Variants in RBFOX1 observed in about 807,000 individuals in gnomAD.
The protein encoded by RBFOX1 is RNA binding fox-1 homolog 1.
In RBFOX1, 8 loss-of-function variants were observed where a neutral mutation model predicts 57.7. The ratio of observed to expected loss-of-function variants is 0.14; its 90% confidence interval spans 0.08 to 0.25. RBFOX1 has a LOEUF of 0.25. Ranked by LOEUF, RBFOX1 falls within the 10% of genes least tolerant of loss-of-function variation. The probability of loss-of-function intolerance (pLI) is 1.00; values close to 1 mark genes in which losing one functional copy is unlikely to be tolerated. For missense variants in RBFOX1, 611 were observed against 548.5 expected, an observed-to-expected ratio of 1.11 and a Z score of -1.14; for synonymous variants, 326 against 222.4, an observed-to-expected ratio of 1.47 and a Z score of -4.15.
chr16:5,677,005 T>G (rs766362203), intron 3 of RBFOX1, among the ~76,000 whole-genome samples: 1 of 152,232 alleles, frequency 6.6e-6, no homozygotes, highest in Admixed American at 6.5e-5. Context: ...GTGAAGTAAA[T>G]ATCTCAGTTT....
chr16:5,648,523 G>A (rs1001872317), intron 3 of RBFOX1, among the ~76,000 whole-genome samples: 3 of 152,134 alleles, frequency 2.0e-5, no homozygotes, highest in East Asian at 3.9e-4. Context: ...TACAACTTGC[G>A]GGGAGGTGGT....
intron 3 of RBFOX1, among the ~76,000 whole-genome samples, chr16:6,966,221 T>G (rs565243897): frequency 6.6e-6 from 1 of 152,212 alleles, no homozygotes; most frequent in South Asian, 2.1e-4. Flanking sequence ...CTGTCCCAGC[T>G]TCTCACATAG....
intron 3 of RBFOX1, among the ~76,000 whole-genome samples, chr16:6,716,495 C>T (rs1452164984): frequency 6.6e-6 from 1 of 152,166 alleles, no homozygotes; most frequent in East Asian, 1.9e-4. Flanking sequence ...ATTACCTGCC[C>T]ATTTCAGCAA....
At chr16:7,137,335 A>G (rs2072312075) in intron 4 of RBFOX1, among the ~76,000 whole-genome samples, 2 of 152,002 alleles carry the variant, frequency 1.3e-5, no homozygotes, top group African/African-American at 4.8e-5. Context: ...TGTAATTCCC[A>G]CATGTTGTGG....
At chr16:7,603,211 TG>T (rs1341308593) in intron 9 of RBFOX1, among the ~76,000 whole-genome samples, 1 of 152,166 alleles carries the variant, frequency 6.6e-6, no homozygotes, top group Non-Finnish European at 1.5e-5. Flanking sequence ...AGCAGGTCCT[TG>T]AAGATTGGAA....
intron 4 of RBFOX1, among the ~76,000 whole-genome samples, chr16:5,935,741 C>T (rs1233552863): frequency 3.3e-5 from 5 of 152,162 alleles, no homozygotes; most frequent in Non-Finnish European, 7.3e-5. Context: ...GATCAAAGAC[C>T]AAGAGCCTGG....
At chr16:6,919,594 G>T (rs1008075723) in intron 3 of RBFOX1, among the ~76,000 whole-genome samples, 1 of 151,910 alleles carries the variant, frequency 6.6e-6, no homozygotes, top group African/African-American at 2.4e-5. Context: ...TGTTTTAAAG[G>T]AAACCCTGGT....
At chr16:6,992,661 A>G (rs895080279) in intron 3 of RBFOX1, among the ~76,000 whole-genome samples, 1 of 152,134 alleles carries the variant, frequency 6.6e-6, no homozygotes, top group Non-Finnish European at 1.5e-5. Context: ...ACACAACTTC[A>G]ACCATATTCT....
At chr16:6,315,167 C>T (rs1352618082) in intron 1 of RBFOX1, among the ~76,000 whole-genome samples, 1 of 152,230 alleles carries the variant, frequency 6.6e-6, no homozygotes, top group Non-Finnish European at 1.5e-5. Flanking sequence ...TGTTTATTCC[C>T]ATTTTAATGA....
At chr16:5,243,720 G>T (rs746087451) in intron 1 of RBFOX1, among the ~76,000 whole-genome samples, 2 of 151,976 alleles carry the variant, frequency 1.3e-5, no homozygotes, top group Non-Finnish European at 2.9e-5. Flanking sequence ...GTTGAGCTTG[G>T]GTCCCTGCTG....
At chr16:5,447,658 A>G (rs1190796712) in intron 1 of RBFOX1, among the ~76,000 whole-genome samples, 1 of 152,134 alleles carries the variant, frequency 6.6e-6, no homozygotes, top group African/African-American at 2.4e-5. Flanking sequence ...AGCCTCCCAG[A>G]GTGCTGGGAT....
At chr16:7,491,412 A>G (rs1320985980) in intron 4 of RBFOX1, among the ~76,000 whole-genome samples, 2 of 151,234 alleles carry the variant, frequency 1.3e-5, no homozygotes, top group Admixed American at 6.7e-5. Context: ...CTGTGACTCC[A>G]TTGTGAGCAG....
At chr16:6,295,507 C>G (rs1442432662) in intron 1 of RBFOX1, among the ~76,000 whole-genome samples, 1 of 152,186 alleles carries the variant, frequency 6.6e-6, no homozygotes, top group Non-Finnish European at 1.5e-5. Flanking sequence ...GTTTTACTCT[C>G]TGAGTACATA....
chr16:6,549,771 A>G (rs1169061562), intron 2 of RBFOX1, among the ~76,000 whole-genome samples: 2 of 152,020 alleles, frequency 1.3e-5, no homozygotes, highest in Non-Finnish European at 2.9e-5. Context: ...GACTAAATGA[A>G]ATAGGCAGAT....
intron 4 of RBFOX1, among the ~76,000 whole-genome samples, chr16:7,316,651 G>T (rs1210190738): frequency 6.6e-6 from 1 of 152,120 alleles, no homozygotes; most frequent in Non-Finnish European, 1.5e-5. Flanking sequence ...TGTGATAAAT[G>T]CTCTGAAGGA....
Position 5,484,588 on chromosome 16 carries a change from G to A in RBFOX1, c.258+17334G>A, listed in dbSNP as rs138340620. ...AGGCCAGGGCTTCAAGGCCAGCCTAGGCAACATAGCGAGACCTTGTCTGTA... is the reference window on the plus strand; with the variant it reads ...AGGCCAGGGCTTCAAGGCCAGCCTAAGCAACATAGCGAGACCTTGTCTGTA... On this transcript the variant is annotated intron_variant, in intron 2 of 2. Transcript: ENST00000585867. Among the ~76,000 whole-genome samples, 10 of 152,226 alleles carry A rather than the reference G, an allele frequency of 6.6e-5. No individual in the cohort carries two copies. In the East Asian group the frequency reaches 1.9e-3, roughly 30 times the overall value.
intron 4 of RBFOX1, among the ~76,000 whole-genome samples, chr16:5,970,928 A>T (rs17718044): frequency 6.6e-6 from 1 of 152,218 alleles, no homozygotes; most frequent in African/African-American, 2.4e-5. Flanking sequence ...AGTGCACCCT[A>T]AAGCACATAT....
At chr16:6,843,848 T>A (rs2093621977) in intron 3 of RBFOX1, among the ~76,000 whole-genome samples, 1 of 152,220 alleles carries the variant, frequency 6.6e-6, no homozygotes, top group Non-Finnish European at 1.5e-5. Context: ...TCTCCTGAAC[T>A]GACTGTTCCC....
At chr16:6,908,322 C>G (rs930207408) in intron 3 of RBFOX1, among the ~76,000 whole-genome samples, 19 of 150,784 alleles carry the variant, frequency 1.3e-4, no homozygotes, top group African/African-American at 4.6e-4. Flanking sequence ...TGGCTTGGGC[C>G]TGTCTTGTTC....
Sources: allele counts gnomAD v4.1 joint callset (sites outside exome capture counted in the v4.1 genomes callset), GRCh38; gene constraint gnomAD v4.1.1; transcripts MANE v1.5; gene names NCBI Gene and HGNC (gene_info 2026-07-23, HGNC 2026-07-21).